The following SASH1 variants were observed in gnomAD, a reference collection of about 807,000 sequenced individuals.
SASH1 encodes SAM and SH3 domain-containing protein 1.
In SASH1, 44 loss-of-function variants were observed where a neutral mutation model predicts 125.2. The observed-to-expected ratio is 0.35, with a 90% CI of 0.28 to 0.45. SASH1 has a LOEUF of 0.45. SASH1 is among the 20% of genes least tolerant of loss of function. The pLI, the probability that SASH1 is intolerant of heterozygous loss-of-function variation, is 1.00. For synonymous variants in SASH1, 639 were observed against 649.1 expected (o/e 0.98, Z 0.24); for missense variants, 1,426 against 1,614.5 (o/e 0.88, Z 2.00).
intron 8 of SASH1, among the ~76,000 whole-genome samples, chr6:148,510,447 A>ACTTTTTTT (rs1780048123): frequency 6.6e-6 from 1 of 152,156 alleles, no homozygotes; most frequent in East Asian, 1.9e-4. Context: ...TCATGTTTGA[A>ACTTTTTTT]TGTGTGTGAA....
intron 1 of SASH1, among the ~76,000 whole-genome samples, chr6:148,372,844 A>G (rs1463747673): frequency 1.3e-5 from 2 of 152,152 alleles, no homozygotes; most frequent in African/African-American, 4.8e-5. Flanking sequence ...GAGGGAAACA[A>G]TGAAAACCTA....
At chr6:148,443,624 T>A (rs1159220593) in intron 4 of SASH1, among the ~76,000 whole-genome samples, 1 of 151,838 alleles carries the variant, frequency 6.6e-6, no homozygotes, top group African/African-American at 2.4e-5. Flanking sequence ...GAATCAGTGT[T>A]ACTGTGATGG....
At chr6:148,250,595 T>C in the SASH1 span, among the ~76,000 whole-genome samples, 1 of 151,418 alleles carries the variant, frequency 6.6e-6, no homozygotes, top group Non-Finnish European at 1.5e-5. Context: ...AAAAACTGTA[T>C]TTAAAAAAAA....
At chr6:148,319,514 GTTTTGTT>G (rs1466572827) in intron 1 of SASH1, among the ~76,000 whole-genome samples, 1 of 151,108 alleles carries the variant, frequency 6.6e-6, no homozygotes, top group Non-Finnish European at 1.5e-5. Context: ...TTGTTTTTTT[GTTTTGTT>G]TTTTGTTTTT....
chr6:148,455,724 T>C (rs892671404), intron 4 of SASH1, among the ~76,000 whole-genome samples: 1 of 152,188 alleles, frequency 6.6e-6, no homozygotes, highest in African/African-American at 2.4e-5. Context: ...GAATTAGAAG[T>C]GGGGCAGGGG....
chr6:148,486,806 T>A (rs1370142126), intron 7 of SASH1, among the ~76,000 whole-genome samples: 2 of 147,286 alleles, frequency 1.4e-5, no homozygotes, highest in Non-Finnish European at 3.0e-5. Context: ...ATGCCTGTAG[T>A]CCAAGCTACC....
At chr6:148,356,304 C>T (rs989448230) in intron 1 of SASH1, among the ~76,000 whole-genome samples, 37 of 151,648 alleles carry the variant, frequency 2.4e-4, no homozygotes, top group African/African-American at 7.3e-4. Flanking sequence ...AGGCTGGTCT[C>T]GAACTCCTGA....
At chr6:148,441,947 T>C (rs1213754433) in intron 4 of SASH1, among the ~76,000 whole-genome samples, 2 of 152,252 alleles carry the variant, frequency 1.3e-5, no homozygotes, top group Admixed American at 6.5e-5. Flanking sequence ...AATATTGTCA[T>C]TTTGCCTCTG....
the SASH1 span, among the ~76,000 whole-genome samples, chr6:148,259,475 G>A: frequency 1.3e-5 from 2 of 152,150 alleles, no homozygotes; most frequent in African/African-American, 4.8e-5. Flanking sequence ...AAAAGTAGGT[G>A]AGCCACTCCT....
In SASH1 at chr6:148,548,807, C is replaced by T; in HGVS notation, c.*249C>T. 2.4e-6 allele frequency: 1 copy of T among 419,832 alleles called. No individual in the cohort carries two copies. Among genetic ancestry groups the T allele is most frequent in the South Asian group, 5.8e-5 (1 of 17,260 alleles). The allele number at this position is 419,832 out of a possible 1,614,324, so 26.0% of individuals were successfully genotyped here. A position where few individuals can be genotyped will look rare whatever the true frequency, so the allele number is the denominator to read the frequency against. On this transcript the variant is annotated 3_prime_UTR_variant, in exon 20 of 20. Transcript: ENST00000367467. ...CAAGACAAGCACTTATTTTTATTTTCAGAAGACAAAAGAACCAAGATGCCA... is the reference window on the plus strand; with the variant it reads ...CAAGACAAGCACTTATTTTTATTTTTAGAAGACAAAAGAACCAAGATGCCA...
chr6:148,522,325 AT>A (rs1780868555), intron 10 of SASH1, among the ~76,000 whole-genome samples: 1 of 91,738 alleles, frequency 1.1e-5, no homozygotes, highest in Admixed American at 9.8e-5. Flanking sequence ...TAAGTGTTCT[AT>A]CATCTTACAA....
At chr6:148,375,613 G>A (rs555197465) in intron 1 of SASH1, among the ~76,000 whole-genome samples, 2 of 152,236 alleles carry the variant, frequency 1.3e-5, no homozygotes, top group Non-Finnish European at 2.9e-5. Context: ...GATGTAGTTA[G>A]GAAATAACTT....
At position 148,532,242 on chromosome 6, in the gene SASH1, A is replaced by G. The variant is rs930833392; in HGVS notation, c.1565-555A>G. On this transcript the variant is annotated intron_variant, in intron 13 of 19. Coordinates refer to ENST00000367467, the MANE Select transcript of SASH1 (RefSeq NM_015278.5). The surrounding 1 kb of genome is among the most constrained non-coding windows in gnomAD (Gnocchi z 4.7). Reference sequence around the variant, plus strand: ...CAGGGTCATGCCACCACACCCGGCTAATTTTGTTGTAGAGACGGGGTTTTG... The same window carrying G: ...CAGGGTCATGCCACCACACCCGGCTGATTTTGTTGTAGAGACGGGGTTTTG... 6.6e-6 allele frequency among the ~76,000 whole-genome samples: 1 copy of G among 151,894 alleles called. No homozygotes were observed. Among genetic ancestry groups the G allele is most frequent in the Admixed American group, 6.6e-5 (1 of 15,240 alleles).
intron 1 of SASH1, among the ~76,000 whole-genome samples, chr6:148,344,470 G>A (rs1191247971): frequency 6.6e-6 from 1 of 152,014 alleles, no homozygotes; most frequent in Non-Finnish European, 1.5e-5. Context: ...GGTGACCATT[G>A]GTATTTATGA....
At chr6:148,525,021 T>A (rs1009482033) in intron 10 of SASH1, 7 of 410,030 alleles carry the variant, frequency 1.7e-5, no homozygotes, top group African/African-American at 6.2e-5. Context: ...TTAGGCTTTT[T>A]AAAAAAAATG....
chr6:148,377,431 C>T (rs1231159060), intron 1 of SASH1, among the ~76,000 whole-genome samples: 1 of 152,130 alleles, frequency 6.6e-6, no homozygotes, highest in African/African-American at 2.4e-5. Context: ...TTTAATTAAG[C>T]CCATTGAACC....
intron 1 of SASH1, among the ~76,000 whole-genome samples, chr6:148,277,387 G>C (rs1239156177): frequency 6.6e-6 from 1 of 152,208 alleles, no homozygotes; most frequent in Non-Finnish European, 1.5e-5. Flanking sequence ...AGAGACATTG[G>C]GTTCACCGTG....
the SASH1 span, among the ~76,000 whole-genome samples, chr6:148,217,304 C>T: frequency 6.6e-6 from 1 of 152,166 alleles, no homozygotes; most frequent in African/African-American, 2.4e-5. Flanking sequence ...CAATAATATG[C>T]ATAGCATAGG....
At chr6:148,264,177 G>GAA in the SASH1 span, among the ~76,000 whole-genome samples, 2 of 137,614 alleles carry the variant, frequency 1.5e-5, no homozygotes, top group African/African-American at 2.7e-5. Context: ...TATTTTGACC[G>GAA]AAAAAAAAAA....
Sources: gnomAD v4.1 joint callset for allele counts (sites outside exome capture counted in the v4.1 genomes callset) on GRCh38, gnomAD v4.1.1 for gene constraint, Gnocchi (gnomAD v3.1) non-coding constraint, MANE v1.5 for transcripts, NCBI Gene and HGNC (gene_info 2026-07-23, HGNC 2026-07-21) for gene names.